The following ABCA13 variants were observed in gnomAD, a reference collection of about 807,000 sequenced individuals.
ABCA13 encodes ATP-binding cassette sub-family A member 13.
Under a neutral mutation model 478.7 loss-of-function variants are expected in ABCA13, and 476 were observed. The observed-to-expected ratio is 0.99, with a 90% CI of 0.92 to 1.07. ABCA13 has a LOEUF of 1.07. Among genes scored for constraint, ABCA13 ranks in the 50% least tolerant of loss-of-function variants. The pLI is 0.00. For synonymous variants in ABCA13, 2,252 were observed against 2,158.9 expected (o/e 1.04, Z -1.20); for missense variants, 6,060 against 5,910.6 (o/e 1.03, Z -0.83).
intron 61 of ABCA13, 96 bp downstream of exon 61, chr7:48,644,850 C>T: frequency 9.1e-6 from 11 of 1,215,312 alleles, no homozygotes; most frequent in Non-Finnish European, 1.2e-5. Flanking sequence ...CTTCAATTCA[C>T]CACTTTATTC....
At chr7:48,528,051 T>C (rs1402861162) in intron 54 of ABCA13, among the ~76,000 whole-genome samples, 185 bp from the exon 55 acceptor site, 1 of 152,176 alleles carries the variant, frequency 6.6e-6, no homozygotes, top group East Asian at 1.9e-4. Flanking sequence ...GACTTTGTAA[T>C]CTATACAGTG....
intron 23 of ABCA13, among the ~76,000 whole-genome samples, chr7:48,307,053 C>T (rs1012615176): frequency 6.6e-6 from 1 of 152,262 alleles, no homozygotes; most frequent in Non-Finnish European, 1.5e-5. Flanking sequence ...TCCGCTGGCC[C>T]ACCCTGCAGA....
chr7:48,195,983 T>C (rs1454676407), intron 2 of ABCA13, among the ~76,000 whole-genome samples: 2 of 151,804 alleles, frequency 1.3e-5, no homozygotes, highest in African/African-American at 4.8e-5. Flanking sequence ...AGGTAAGTGA[T>C]AGAAAACCAG....
chr7:48,286,725 G>C (rs186660862), intron 19 of ABCA13, among the ~76,000 whole-genome samples: 1,536 of 152,112 alleles, frequency 0.01, 16 homozygotes, highest in Middle Eastern at 0.051. Flanking sequence ...GGATGGTCTC[G>C]ATCTCCTGAC....
chr7:48,298,289 A>G (rs536721644), intron 22 of ABCA13, 77 bp from the exon 23 acceptor site: 6 of 1,330,376 alleles, frequency 4.5e-6, no homozygotes, highest in Non-Finnish European at 6.1e-6. Context: ...CCAGGTTGTA[A>G]TATCAAATTT....
rs564237973 is a variant in ABCA13 at position 48,515,736 on chromosome 7, C to G, written c.13641-989C>G. Among the ~76,000 whole-genome samples, 7 of 152,186 alleles carry G rather than the reference C, an allele frequency of 4.6e-5. 1 individual carries two copies. The South Asian group carries it at 1.5e-3, about 32-fold the overall frequency. ...ACACTGAGGAGTTACAGATGGTACC[C>G]CCTGTGCAGTGGATGCTGGAAGGAG... On this transcript the variant is annotated intron_variant, in intron 51 of 61. Transcript: ENST00000435803.
Position 48,232,164 on chromosome 7 carries a change from T to TTTC in ABCA13, c.764-1854_764-1853insTTC, listed in dbSNP as rs1554360466. On this transcript the variant is annotated intron_variant, in intron 7 of 61. Transcript: ENST00000435803. Reference sequence around the variant, plus strand: ...ATTTTTTTTTTTTTTTTTTTTTTTTTAGCTTTCTGTAAGAGAAAGCTAGCT... The same window carrying TTTC: ...ATTTTTTTTTTTTTTTTTTTTTTTTTTTCAGCTTTCTGTAAGAGAAAGCTAGCT... 4.0e-4 allele frequency among the ~76,000 whole-genome samples: 53 copies of TTTC among 132,898 alleles called. 2 individuals are homozygous for TTTC. The highest frequency in any genetic ancestry group is 1.4e-3 in the African/African-American group (49 of 35,554). The allele number at this position is 132,898 out of a possible 152,430, so 87.2% of individuals were successfully genotyped here.
intron 41 of ABCA13, among the ~76,000 whole-genome samples, chr7:48,421,884 C>G (rs373789442): frequency 6.6e-6 from 1 of 151,782 alleles, no homozygotes; most frequent in East Asian, 1.9e-4. Context: ...ATGAGAAACT[C>G]GACTTACTCA....
At chr7:48,361,276 CA>C (rs1810790926) in intron 31 of ABCA13, among the ~76,000 whole-genome samples, 1 of 151,506 alleles carries the variant, frequency 6.6e-6, no homozygotes, top group South Asian at 2.1e-4. Flanking sequence ...GAACCACTTC[CA>C]ATTATTAAGA....
chr7:48,324,146 TAA>T (rs753629604), intron 27 of ABCA13, among the ~76,000 whole-genome samples: 46 of 152,194 alleles, frequency 3.0e-4, no homozygotes, highest in Non-Finnish European at 5.9e-4. Flanking sequence ...TTGAGTGGCT[TAA>T]ACAACAGAAA....
At chr7:48,368,048 T>G (rs1443464683) in intron 32 of ABCA13, 140 bp downstream of exon 32, 1 of 562,724 alleles carries the variant, frequency 1.8e-6, no homozygotes, top group Non-Finnish European at 3.1e-6. Context: ...ACAAAATAGC[T>G]GAGTCCCTGT....
chr7:48,317,325 G>T (rs2128898284), intron 27 of ABCA13, 29 bp downstream of exon 27: 2 of 1,596,396 alleles, frequency 1.3e-6, no homozygotes, highest in South Asian at 2.3e-5. Flanking sequence ...GAATCATATA[G>T]ACCATACATA....
In ABCA13 at chr7:48,615,344, A is replaced by G. The variant is rs1397151597; in HGVS notation, c.14804A>G (p.Lys4935Arg). 2 of 1,577,522 alleles carry G rather than the reference A, an allele frequency of 1.3e-6. No individual in the cohort carries two copies. Among genetic ancestry groups the G allele is most frequent in the Non-Finnish European group, 8.6e-7 (1 of 1,160,198 alleles). The change falls in exon 59 of 62, where the codon AAA becomes AGA. Residue 4935 changes from lysine to arginine, a missense_variant. Physicochemically the swap from Lys to Arg is conservative, Grantham distance 26. Transcript: ENST00000435803. The part of the protein sequence containing the change: ...RLAIMVNGSF[K>R]CLGSPQHIKN... ...GCCATAATGGTTAACGGCAGCTTCAAATGTCTTGGTTCTCCTCAGCACATC... is the reference window on the plus strand; with the variant it reads ...GCCATAATGGTTAACGGCAGCTTCAGATGTCTTGGTTCTCCTCAGCACATC...
chr7:48,513,630 C>A (rs1244563532), intron 51 of ABCA13, among the ~76,000 whole-genome samples: 1 of 152,066 alleles, frequency 6.6e-6, no homozygotes, highest in Non-Finnish European at 1.5e-5. Flanking sequence ...GCCATAAATT[C>A]CATGATGTTG....
At chr7:48,349,278 A>G (rs1002785899) in intron 29 of ABCA13, among the ~76,000 whole-genome samples, 2 of 152,226 alleles carry the variant, frequency 1.3e-5, no homozygotes, top group Admixed American at 6.5e-5. Context: ...ACATAATAAC[A>G]GCAGTTACAA....
At chr7:48,641,671 T>G (rs1307418440) in intron 59 of ABCA13, among the ~76,000 whole-genome samples, 1 of 152,114 alleles carries the variant, frequency 6.6e-6, no homozygotes, top group Non-Finnish European at 1.5e-5. Flanking sequence ...GAAACACATC[T>G]CCATGCAACA....
At chr7:48,335,558 C>T (rs775695027) in intron 28 of ABCA13, 23 bp downstream of exon 28, 115 of 1,591,146 alleles carry the variant, frequency 7.2e-5, no homozygotes, top group Non-Finnish European at 8.8e-5. Flanking sequence ...TCTTTGCCAC[C>T]GAGGGATGGG....
rs1382192027 is a variant in ABCA13, at chr7:48,489,246, A to G, written c.13193A>G (p.Asn4398Ser). 1 of 1,610,432 alleles carries G rather than the reference A, an allele frequency of 6.2e-7. No individual in the cohort carries two copies. The highest frequency in any genetic ancestry group is 1.1e-5 in the South Asian group (1 of 90,596). Residue 4398 changes from asparagine (N) to serine (S), a missense_variant, in exon 48 of 62, where the codon AAT becomes AGT. By Grantham distance (46) the Asn-to-Ser change is conservative (BLOSUM62 1). Coordinates refer to ENST00000435803, the MANE Select transcript of ABCA13 (RefSeq NM_152701.5). ...KPPTLAKVWY[N>S]QKGFHSLPSY... ...TCTTTCTTTTTTTAGGTGTGGTATA[A>G]TCAGAAGGGTTTTCATTCCCTACCT...
intron 42 of ABCA13, among the ~76,000 whole-genome samples, chr7:48,445,326 T>A (rs1473003823): frequency 1.3e-5 from 2 of 152,158 alleles, no homozygotes; most frequent in Non-Finnish European, 2.9e-5. Flanking sequence ...GTCTTAAGAA[T>A]AAGTATTTGA....
Sources: gnomAD v4.1 joint callset for allele counts (sites outside exome capture counted in the v4.1 genomes callset) on GRCh38, gnomAD v4.1.1 for gene constraint, MANE v1.5 for transcripts, NCBI Gene and HGNC (gene_info 2026-07-23, HGNC 2026-07-21) for gene names.